SOCS5: variants seen among roughly 807,000 people sequenced by gnomAD.
The protein encoded by SOCS5 is suppressor of cytokine signaling 5.
SOCS5 carries 32 observed loss-of-function variants against 42.8 expected under a neutral mutation model. That is an observed-to-expected ratio of 0.75 (90% CI 0.56 to 1.01). SOCS5 has a LOEUF of 1.01. Ranked by LOEUF, SOCS5 falls within the 50% of genes least tolerant of loss-of-function variation. The pLI, the probability that SOCS5 is intolerant of heterozygous loss-of-function variation, is 0.00. For missense variants in SOCS5, 627 were observed against 653.0 expected (o/e 0.96, Z 0.43); for synonymous variants, 283 against 229.6 (o/e 1.23, Z -2.10).
chr2:46,702,427 A>G (rs12151534), intron 1 of SOCS5, among the ~76,000 whole-genome samples: 12,906 of 152,240 alleles, frequency 0.085, 671 homozygotes, highest in Middle Eastern at 0.24. Flanking sequence ...ACTGTTTCTG[A>G]ATGTCATTGG....
At chr2:46,749,982 A>G (rs1300025647) in intron 1 of SOCS5, among the ~76,000 whole-genome samples, 1 of 152,206 alleles carries the variant, frequency 6.6e-6, no homozygotes, top group Non-Finnish European at 1.5e-5. Context: ...TCTTTTGAAT[A>G]TCTCCTATGA....
intron 1 of SOCS5, among the ~76,000 whole-genome samples, chr2:46,738,777 A>C (rs1382651731): frequency 6.6e-6 from 1 of 152,212 alleles, no homozygotes; most frequent in East Asian, 1.9e-4. Flanking sequence ...CATTAGCATC[A>C]TTTCACTTGA....
chr2:46,737,523 T>C (rs764796910), intron 1 of SOCS5, among the ~76,000 whole-genome samples: 2 of 152,214 alleles, frequency 1.3e-5, no homozygotes, highest in Non-Finnish European at 2.9e-5. Context: ...TTTGGATGCT[T>C]GGTTGCTAAT....
At chr2:46,732,310 G>A (rs1005241056) in intron 1 of SOCS5, among the ~76,000 whole-genome samples, 6 of 152,148 alleles carry the variant, frequency 3.9e-5, no homozygotes, top group African/African-American at 1.4e-4. Flanking sequence ...GAGGAGTCTT[G>A]GATGCCTTTA....
chr2:46,714,144 A>G (rs1471747438), intron 1 of SOCS5, among the ~76,000 whole-genome samples: 2 of 152,196 alleles, frequency 1.3e-5, no homozygotes, highest in Non-Finnish European at 2.9e-5. Flanking sequence ...GGGGTGTTCT[A>G]TAGATGCCAA....
At chr2:46,710,805 C>G (rs916287995) in intron 1 of SOCS5, among the ~76,000 whole-genome samples, 16 of 152,176 alleles carry the variant, frequency 1.1e-4, no homozygotes, top group African/African-American at 2.4e-5. Flanking sequence ...TTTCTGTCAT[C>G]CAGAAAGAGC....
chr2:46,723,822 G>T (rs889816630), intron 1 of SOCS5, among the ~76,000 whole-genome samples: 16 of 152,034 alleles, frequency 1.1e-4, no homozygotes, highest in Admixed American at 4.6e-4. Context: ...GGGAGGGGTT[G>T]ATTAGAATTG....
At chr2:46,738,198 G>A (rs933704212) in intron 1 of SOCS5, among the ~76,000 whole-genome samples, 1 of 152,150 alleles carries the variant, frequency 6.6e-6, no homozygotes, top group Non-Finnish European at 1.5e-5. Flanking sequence ...GGCGCAAGAT[G>A]CTCAAACTGT....
Position 46,759,963 on chromosome 2 carries a change from G to C in SOCS5, c.1433G>C (p.Arg478Thr). The change falls in exon 2 of 2, where the codon AGG becomes ACG. Residue 478 changes from arginine (R) to threonine (T), a missense_variant. By Grantham distance (71) the Arg-to-Thr change is moderately conservative. Around this residue, in one of 3 missense-constraint regions of SOCS5, gnomAD observed 340 missense variants for 367.6 expected, o/e 0.92. Coordinates refer to ENST00000394861, the MANE Select transcript of SOCS5 (RefSeq NM_144949.3). ...FEPLLTISLN[R>T]TFPFSLQYIC... The stretch of plus-strand genomic sequence containing the variant: ...CCATTGCTTACTATATCACTAAATA[G>C]GACTTTCCCTTTTAGCCTGCAGTAT... 3 of 1,614,116 alleles carry C rather than the reference G, an allele frequency of 1.9e-6. No homozygotes were observed. Among genetic ancestry groups the C allele is most frequent in the Non-Finnish European group, 2.5e-6 (3 of 1,180,002 alleles).
In SOCS5 at chr2:46,758,624, A is replaced by C; in HGVS notation, c.94A>C (p.Met32Leu). The C allele has an allele frequency of 1.2e-6, 2 of 1,614,052 alleles. No homozygotes were observed. Among genetic ancestry groups the C allele is most frequent in the Non-Finnish European group, 1.7e-6 (2 of 1,179,896 alleles). Reference protein sequence around the residue: ...EGGSRSENVDMNSNRCLSVKE... With the variant: ...EGGSRSENVDLNSNRCLSVKE... ...AGGAAGCCGTAGTGAAAATGTGGAC[A>C]TGAACTCCAACAGATGTTTGTCTGT... Residue 32 changes from methionine (M) to leucine (L), a missense_variant, in exon 2 of 2, where the codon ATG becomes CTG. Met to Leu is a conservative substitution (Grantham distance 15). Coordinates refer to ENST00000394861, the MANE Select transcript of SOCS5 (RefSeq NM_144949.3).
intron 1 of SOCS5, among the ~76,000 whole-genome samples, chr2:46,747,005 TA>T (rs780262417): frequency 6.9e-6 from 1 of 144,062 alleles, no homozygotes; most frequent in Non-Finnish European, 1.5e-5. Flanking sequence ...AGTGATTACA[TA>T]TCAAGGTTGC....
At chr2:46,740,176 T>G (rs1673339266) in intron 1 of SOCS5, among the ~76,000 whole-genome samples, 2 of 152,236 alleles carry the variant, frequency 1.3e-5, no homozygotes, top group Non-Finnish European at 2.9e-5. Flanking sequence ...CTAAGGTAGC[T>G]GTGCTTTCAA....
chr2:46,711,666 G>T (rs1672625600), intron 1 of SOCS5, among the ~76,000 whole-genome samples: 1 of 151,968 alleles, frequency 6.6e-6, no homozygotes, highest in Non-Finnish European at 1.5e-5. Context: ...TGTTTTTCTG[G>T]GTCCTGTCTA....
intron 1 of SOCS5, among the ~76,000 whole-genome samples, chr2:46,720,954 A>C (rs997499857): frequency 6.6e-6 from 1 of 152,154 alleles, no homozygotes; most frequent in Non-Finnish European, 1.5e-5. Flanking sequence ...AGGTGCAGAC[A>C]TCCTGAGTGA....
At chr2:46,727,040 G>A (rs1035859172) in intron 1 of SOCS5, among the ~76,000 whole-genome samples, 3 of 151,920 alleles carry the variant, frequency 2.0e-5, no homozygotes, top group Admixed American at 6.6e-5. Context: ...ACAGGCATGA[G>A]CCATTGTGCC....
At chr2:46,744,935 C>T (rs926889580) in intron 1 of SOCS5, among the ~76,000 whole-genome samples, 5 of 148,754 alleles carry the variant, frequency 3.4e-5, no homozygotes, top group Non-Finnish European at 7.4e-5. Flanking sequence ...CTAAGTATTG[C>T]CCCTGGAAAG....
chr2:46,720,291 G>C, intron 1 of SOCS5, among the ~76,000 whole-genome samples: 1 of 152,246 alleles, frequency 6.6e-6, no homozygotes, highest in South Asian at 2.1e-4. Flanking sequence ...ACTTGATCTT[G>C]ATTCCTGCAG....
At chr2:46,739,975 T>C (rs751975293) in intron 1 of SOCS5, among the ~76,000 whole-genome samples, 1 of 152,244 alleles carries the variant, frequency 6.6e-6, no homozygotes, top group Non-Finnish European at 1.5e-5. Flanking sequence ...AACTAAGGTA[T>C]TAACGTATTC....
At chr2:46,717,364 T>A (rs887649561) in intron 1 of SOCS5, among the ~76,000 whole-genome samples, 3 of 152,170 alleles carry the variant, frequency 2.0e-5, no homozygotes, top group Admixed American at 6.5e-5. Flanking sequence ...TTGCCTCTTA[T>A]CTCGTGTGAA....
Sources: allele counts gnomAD v4.1 joint callset (sites outside exome capture counted in the v4.1 genomes callset), GRCh38; gene constraint gnomAD v4.1.1; regional missense constraint gnomAD v4.1.1; transcripts MANE v1.5; gene names NCBI Gene and HGNC (gene_info 2026-07-23, HGNC 2026-07-21).